MYH2: variants seen among roughly 807,000 people sequenced by gnomAD.
MYH2 encodes the protein myosin-2.
Under a neutral mutation model 228.1 loss-of-function variants are expected in MYH2, and 139 were observed. That is an observed-to-expected ratio of 0.61 (90% CI 0.53 to 0.70). The LOEUF (loss-of-function observed/expected upper bound fraction) is 0.70, where lower values mean the gene tolerates loss of function less well. MYH2 is among the 30% of genes least tolerant of loss of function. The pLI, the probability that MYH2 is intolerant of heterozygous loss-of-function variation, is 0.00. For synonymous variants in MYH2, 796 were observed against 871.1 expected (o/e 0.91, Z 1.52); for missense variants, 1,809 against 2,357.5 (o/e 0.77, Z 4.82).
rs1374716922 is a variant in MYH2, at chr17:10,523,578, T to C, written c.5390A>G (p.Lys1797Arg). 1 of 1,614,102 alleles carries C rather than the reference T, an allele frequency of 6.2e-7. No homozygotes were observed. The highest frequency in any genetic ancestry group is 2.2e-5 in the East Asian group (1 of 44,892). The change falls in exon 37 of 40, where the codon AAG becomes AGG. Residue 1797 changes from lysine to arginine, a missense_variant. Transcript: ENST00000245503. ...CTCATCCAGACGGAGCTGCAGATCC[T>C]TCACGGTCTGCTCCATGTTCTTCTT... Reference protein sequence around the residue: ...RMKKNMEQTVKDLQLRLDEAE... With the variant: ...RMKKNMEQTVRDLQLRLDEAE...
In MYH2 at chr17:10,542,886, G is replaced by A. The variant is rs2073574990; in HGVS notation, c.893C>T (p.Pro298Leu). ...ATGACATTTCTTACCAATAAGTTCT[G>A]GTTTCTTATTCGATGTAATCTGGTA... is the stretch of plus-strand genomic sequence containing the variant. Reference protein sequence around the residue: ...IFYQITSNKKPELIEMLLITT... With the variant: ...IFYQITSNKKLELIEMLLITT... The change falls in exon 10 of 40, where the codon CCA becomes CTA. Residue 298 changes from proline (P) to leucine (L), a missense_variant. By Grantham distance (98) the Pro-to-Leu change is moderately conservative. Around this residue, in one of 9 missense-constraint regions of MYH2, gnomAD observed 373 missense variants for 620.4 expected, o/e 0.60. Transcript: ENST00000245503. 1 of 1,599,522 alleles carries A rather than the reference G, an allele frequency of 6.3e-7. No individual in the cohort carries two copies. Among genetic ancestry groups the A allele is most frequent in the East Asian group, 2.2e-5 (1 of 44,622 alleles).
chr17:10,527,113 C>T, intron 28 of MYH2, 57 bp from the exon 29 acceptor site: 1 of 1,509,384 alleles, frequency 6.6e-7, no homozygotes, highest in Non-Finnish European at 9.2e-7. Context: ...TTCTGCAAGC[C>T]CATGTTAGAA....
chr17:10,530,490 G>T (rs555614188), intron 22 of MYH2, among the ~76,000 whole-genome samples: 1 of 151,894 alleles, frequency 6.6e-6, no homozygotes, highest in South Asian at 2.1e-4. Flanking sequence ...AGGGTTGTGG[G>T]GAAGCATTCT....
intron 19 of MYH2, 102 bp downstream of exon 19, chr17:10,534,971 C>A: frequency 7.4e-7 from 1 of 1,357,578 alleles, no homozygotes; most frequent in African/African-American, 1.4e-5. Context: ...CTTTTTGTGA[C>A]AAAACTAACA....
chr17:10,542,968 G>C lies in MYH2; in HGVS notation c.811C>G (p.Leu271Val). The C allele has an allele frequency of 6.2e-7, 1 of 1,610,860 alleles. No individual in the cohort carries two copies. The highest frequency in any genetic ancestry group is 8.5e-7 in the Non-Finnish European group (1 of 1,177,256). ...LASADIETYL[L>V]EKSRVVFQLK... ...TGGAAAACAACTCTAGACTTCTCTA[G>C]CAGATCTGGAAGGAAACAAATAACA... Residue 271 changes from leucine to valine, a missense_variant, in exon 10 of 40, where the codon CTA becomes GTA. Physicochemically the swap from Leu to Val is conservative, Grantham distance 32. Coordinates refer to ENST00000245503, the MANE Select transcript of MYH2 (RefSeq NM_017534.6).
chr17:10,537,934 A>G lies in MYH2; in HGVS notation c.1417-99T>C. 1.3e-6 allele frequency: 2 copies of G among 1,574,730 alleles called. No individual in the cohort carries two copies. The highest frequency in any genetic ancestry group is 1.7e-6 in the Non-Finnish European group (2 of 1,155,336). On this transcript the variant is annotated intron_variant, in intron 14 of 39. Transcript: ENST00000245503. This position sits in a 1 kb window ranked among gnomAD's most constrained non-coding sequence, Gnocchi z 4.0. The stretch of plus-strand genomic sequence containing the variant: ...TAAAAATATGTGTCCAAGAGCCTTT[A>G]TATTACAGATATTAAAATCACTGGG...
intron 8 of MYH2, 25 bp downstream of exon 8, chr17:10,543,686 C>G: frequency 6.2e-7 from 1 of 1,613,528 alleles, no homozygotes; most frequent in Non-Finnish European, 8.5e-7. Context: ...TGAACAGCAT[C>G]TATTAGCGTG....
In MYH2 at chr17:10,529,208, T is replaced by A. The variant is rs139295564; in HGVS notation, c.3308A>T (p.Glu1103Val). ...CTGCAATTGAATGCCAAGTGCCTGT[T>A]CATCTTCAATCTTGCTTTGCAGATT... ...ISNLQSKIED[E>V]QALGIQLQKK... Residue 1103 changes from glutamate (E) to valine (V), a missense_variant, in exon 26 of 40, where the codon GAA becomes GTA. By Grantham distance (121) the Glu-to-Val change is moderately radical. This residue lies in a region of MYH2 where 636 missense variants were observed against 729.9 expected (regional missense o/e 0.87). Coordinates refer to ENST00000245503, the MANE Select transcript of MYH2 (RefSeq NM_017534.6). 2.3e-4 allele frequency: 374 copies of A among 1,614,276 alleles called. 1 individual carries two copies. In the African/African-American group the frequency reaches 3.1e-3, roughly 14 times the overall value.
rs1282283154 is a variant in MYH2, at chr17:10,529,189, T to C, written c.3327A>G (p.Gln1109=). Residue 1109 remains glutamine, a synonymous_variant, in exon 26 of 40, where the codon CAA becomes CAG. Transcript: ENST00000245503. ...GCAATTCTTTAATTTTCTTCTGCAATTGAATGCCAAGTGCCTGTTCATCTT... is the reference window on the plus strand; with the variant it reads ...GCAATTCTTTAATTTTCTTCTGCAACTGAATGCCAAGTGCCTGTTCATCTT... ...KIEDEQALGI[Q]LQKKIKELQA... The C allele has an allele frequency of 6.2e-7, 1 of 1,614,266 alleles. No homozygotes were observed. The highest frequency in any genetic ancestry group is 8.5e-7 in the Non-Finnish European group (1 of 1,180,052).
At chr17:10,542,567 A>C (rs2073570723) in intron 10 of MYH2, among the ~76,000 whole-genome samples, 1 of 152,230 alleles carries the variant, frequency 6.6e-6, no homozygotes, top group Non-Finnish European at 1.5e-5. Context: ...TTCAGTTATG[A>C]AAATTGTATG....
intron 23 of MYH2, 24 bp downstream of exon 23, chr17:10,529,808 A>G (rs1203160165): frequency 1.9e-6 from 3 of 1,613,974 alleles, no homozygotes; most frequent in Admixed American, 3.3e-5. Flanking sequence ...ACCTCTATAC[A>G]GTACTGTAGA....
Position 10,523,319 on chromosome 17 carries a change from G to C in MYH2, c.5566C>G (p.Leu1856Val), listed in dbSNP as rs1488236141. Residue 1856 changes from leucine to valine, a missense_variant, in exon 38 of 40, where the codon CTC becomes GTC. This residue lies in a region of MYH2 where 278 missense variants were observed against 308.5 expected (regional missense o/e 0.90). Coordinates refer to ENST00000245503, the MANE Select transcript of MYH2 (RefSeq NM_017534.6). ...LRKHERRVKELTYQTEEDRKN... is the reference protein window; with the variant it reads ...LRKHERRVKEVTYQTEEDRKN... The stretch of plus-strand genomic sequence containing the variant: ...ACTACTGGCTGTACCTGGTAAGTGA[G>C]TTCCTTCACTCGCCTCTCATGTTTG... 6.2e-7 allele frequency: 1 copy of C among 1,614,192 alleles called. No homozygotes were observed. The highest frequency in any genetic ancestry group is 1.3e-5 in the African/African-American group (1 of 75,054).
chr17:10,547,765 G>A lies in MYH2; in HGVS notation c.156C>T (p.Ile52=). The change falls in exon 3 of 40, where the codon ATC becomes ATT. Residue 52 remains isoleucine, a synonymous_variant. Coordinates refer to ENST00000245503, the MANE Select transcript of MYH2 (RefSeq NM_017534.6). The part of the protein sequence containing the change: ...EPKESFVKGT[I]QSREGGKVTV... ...TCACTTTTCCTCCTTCTCTGCTCTG[G>A]ATGGTCCCTTTGACAAAGGATTCTT... 1 of 1,614,170 alleles carries A rather than the reference G, an allele frequency of 6.2e-7. No individual in the cohort carries two copies. The highest frequency in any genetic ancestry group is 8.5e-7 in the Non-Finnish European group (1 of 1,180,022).
Position 10,537,401 on chromosome 17 carries a change from C to T in MYH2, c.1729G>A (p.Glu577Lys), listed in dbSNP as rs564509544. 81 of 1,614,040 alleles carry T rather than the reference C, an allele frequency of 5.0e-5. No homozygotes were observed. The highest frequency in any genetic ancestry group is 4.5e-5 in the East Asian group (2 of 44,894). Residue 577 changes from glutamate (E) to lysine (K), a missense_variant, in exon 16 of 40, where the codon GAG (glutamate) becomes AAG (lysine). Around this residue, in one of 9 missense-constraint regions of MYH2, gnomAD observed 41 missense variants for 35.1 expected, o/e 1.17. Transcript: ENST00000245503. The surrounding 1 kb of genome is among the most constrained non-coding windows in gnomAD (Gnocchi z 4.0). ...TAGTGAATCAGAGCGAAGTGGGCCT[C>T]GGCCTTGCCTTTGACCACCTTGGGC... The part of the protein sequence containing the change: ...QKPKVVKGKA[E>K]AHFALIHYAG...
In MYH2 at chr17:10,533,324, A is replaced by G; in HGVS notation, c.2402T>C (p.Phe801Ser). Residue 801 changes from phenylalanine to serine, a missense_variant, in exon 21 of 40, where the codon TTC (phenylalanine) becomes TCC (serine). Transcript: ENST00000245503. ...CCTCTGGTACTCCACTCTTGCCAAG[A>G]ACCCTCTGCACCTGGCCTGGGTTCG... ...ITRTQARCRG[F>S]LARVEYQRMV... The G allele has an allele frequency of 6.2e-7, 1 of 1,614,186 alleles. No homozygotes were observed. The highest frequency in any genetic ancestry group is 8.5e-7 in the Non-Finnish European group (1 of 1,180,016).
At chr17:10,540,138 A>G in intron 11 of MYH2, 72 bp from the exon 12 acceptor site, 1 of 1,598,354 alleles carries the variant, frequency 6.3e-7, no homozygotes, top group Non-Finnish European at 8.6e-7. Context: ...GCACATTCCC[A>G]TTGCTGGCCT....
At chr17:10,523,992 T>G in intron 35 of MYH2, 108 bp from the exon 36 acceptor site, 1 of 1,069,092 alleles carries the variant, frequency 9.4e-7, no homozygotes, top group Non-Finnish European at 1.3e-6. Flanking sequence ...AAAAAATGCC[T>G]TTTAATATTA....
In MYH2 at chr17:10,543,418, T is replaced by G. The variant is rs79193518; in HGVS notation, c.742-257A>C. Among the ~76,000 whole-genome samples the G allele has an allele frequency of 0.074, 11,319 of 152,290 alleles. 1,104 individuals are homozygous for G. The highest frequency in any genetic ancestry group is 0.47 in the East Asian group (2,417 of 5,176). Reference sequence around the variant, plus strand: ...ATCATTCCATAATATACACATAACATATATCAAAACATCACATTGTATTTC... The same window carrying G: ...ATCATTCCATAATATACACATAACAGATATCAAAACATCACATTGTATTTC... On this transcript the variant is annotated intron_variant, in intron 8 of 39. Coordinates refer to ENST00000245503, the MANE Select transcript of MYH2 (RefSeq NM_017534.6).
Position 10,527,058 on chromosome 17 carries a change from T to C in MYH2, c.3872-2A>G. 6.2e-7 allele frequency: 1 copy of C among 1,613,182 alleles called. No homozygotes were observed. The highest frequency in any genetic ancestry group is 8.5e-7 in the Non-Finnish European group (1 of 1,179,096). The stretch of plus-strand genomic sequence containing the variant: ...CATCAAGCTGGCGTGAAAACTCACC[T>C]GATGGACAAAAGAAATGGCACCATT... On this transcript the variant is annotated splice_acceptor_variant, in intron 28 of 39. Transcript: ENST00000245503. LOFTEE classifies it high-confidence loss of function.
Sources: gnomAD v4.1 joint callset for allele counts (sites outside exome capture counted in the v4.1 genomes callset) on GRCh38, gnomAD v4.1.1 for gene constraint, gnomAD v4.1.1 regional missense constraint, Gnocchi (gnomAD v3.1) non-coding constraint, MANE v1.5 for transcripts, NCBI Gene and HGNC (gene_info 2026-07-23, HGNC 2026-07-21) for gene names.